The following ADGRB1 variants were observed in gnomAD, a reference collection of about 807,000 sequenced individuals.
ADGRB1 encodes the protein adhesion G protein-coupled receptor B1, also known as brain-specific angiogenesis inhibitor 1.
A neutral mutation model predicts 175.7 loss-of-function variants in ADGRB1; 36 were observed. The observed-to-expected ratio is 0.20, with a 90% CI of 0.16 to 0.27. ADGRB1 has a LOEUF of 0.27. Ranked by LOEUF, ADGRB1 falls within the 10% of genes least tolerant of loss-of-function variation. ADGRB1 has a pLI of 1.00. For missense variants in ADGRB1, 1,731 were observed against 2,255.3 expected (o/e 0.77, Z 4.71); for synonymous variants, 1,054 against 979.4 (o/e 1.08, Z -1.42).
intron 17 of ADGRB1, among the ~76,000 whole-genome samples, chr8:142,502,387 AC>A (rs1222274681): frequency 2.3e-3 from 13 of 5,702 alleles, no homozygotes; most frequent in Admixed American, 3.5e-3. Context: ...TTTGATGATG[AC>A]AGTGGTGGTG....
intron 24 of ADGRB1, among the ~76,000 whole-genome samples, chr8:142,527,774 A>AG (rs138079974): frequency 0.014 from 2,175 of 152,316 alleles, 23 homozygotes; most frequent in South Asian, 0.028. Flanking sequence ...CAGTGATCTC[A>AG]GGGGCTCACC....
At chr8:142,450,638 C>T (rs1017875181) in intron 1 of ADGRB1, among the ~76,000 whole-genome samples, 1 of 152,076 alleles carries the variant, frequency 6.6e-6, no homozygotes, top group African/African-American at 2.4e-5. Flanking sequence ...GGGCCCGAGA[C>T]GTCCTCCCCC....
In ADGRB1 at chr8:142,455,011, C is replaced by T. The variant is rs1839579366; in HGVS notation, c.-220+4907C>T. ...GGTTTCACAAACACAAACATGCACACACCCACCCCTTCTGTCCCCTGTCCT... is the reference window on the plus strand; with the variant it reads ...GGTTTCACAAACACAAACATGCACATACCCACCCCTTCTGTCCCCTGTCCT... On this transcript the variant is annotated intron_variant, in intron 1 of 30. Coordinates refer to ENST00000517894, the MANE Select transcript of ADGRB1 (RefSeq NM_001702.3). The surrounding 1 kb of genome is among the most constrained non-coding windows in gnomAD (Gnocchi z 4.9). 6.6e-6 allele frequency among the ~76,000 whole-genome samples: 1 copy of T among 151,904 alleles called. No homozygotes were observed. The highest frequency in any genetic ancestry group is 6.6e-5 in the Admixed American group (1 of 15,254).
At chr8:142,529,881 T>C (rs996462953) in intron 24 of ADGRB1, among the ~76,000 whole-genome samples, 1 of 151,108 alleles carries the variant, frequency 6.6e-6, no homozygotes, top group Non-Finnish European at 1.5e-5. Flanking sequence ...TGTGTATACA[T>C]GTGAACGTGC....
At chr8:142,453,175 T>G (rs1413439439) in intron 1 of ADGRB1, among the ~76,000 whole-genome samples, 3 of 152,020 alleles carry the variant, frequency 2.0e-5, no homozygotes, top group Non-Finnish European at 2.9e-5. Flanking sequence ...CGCGTTTGCG[T>G]GCTGGTGTCC....
intron 1 of ADGRB1, among the ~76,000 whole-genome samples, chr8:142,453,050 T>TCGCTCGCCGTCCGCTCCCGCCGCC (rs1839455498): frequency 1.7e-5 from 2 of 115,060 alleles, no homozygotes; most frequent in African/African-American, 6.9e-5. Flanking sequence ...GCCCGCTCGC[T>TCGCTCGCCGTCCGCTCCCGCCGCC]CGCTCGCTCG....
At chr8:142,524,712 G>GA (rs1844070867) in intron 23 of ADGRB1, among the ~76,000 whole-genome samples, 1 of 152,140 alleles carries the variant, frequency 6.6e-6, no homozygotes, top group Non-Finnish European at 1.5e-5. Flanking sequence ...TGAGGCTGGT[G>GA]ACCGCGGCTG....
At chr8:142,522,231 C>A in intron 21 of ADGRB1, 116 bp downstream of exon 21, 1 of 1,420,648 alleles carries the variant, frequency 7.0e-7, no homozygotes, top group South Asian at 1.4e-5. Flanking sequence ...GCCTCAGTTG[C>A]TGCTTGGGTG....
Position 142,520,799 on chromosome 8 carries a change from C to T in ADGRB1, c.2922-24C>T, listed in dbSNP as rs117931477. On this transcript the variant is annotated intron_variant, in intron 19 of 30. Coordinates refer to ENST00000517894, the MANE Select transcript of ADGRB1 (RefSeq NM_001702.3). ...AGATGGGGTTCTGTTGGGTGCTGAC[C>T]TTGGGCCCCTGCACTCTCCACAGGT... is the stretch of plus-strand genomic sequence containing the variant. 3,591 of 1,604,164 alleles carry T rather than the reference C, an allele frequency of 2.2e-3. 9 individuals are homozygous for T. The highest frequency in any genetic ancestry group is 4.5e-3 in the Middle Eastern group (27 of 6,044).
At chr8:142,468,497 C>G (rs953542293) in intron 2 of ADGRB1, among the ~76,000 whole-genome samples, 90 of 152,218 alleles carry the variant, frequency 5.9e-4, no homozygotes, top group Admixed American at 2.0e-3. Context: ...TGCCCACGCT[C>G]TGTGCCCAGA....
intron 1 of ADGRB1, among the ~76,000 whole-genome samples, chr8:142,458,780 G>A (rs1473525352): frequency 6.6e-6 from 1 of 152,234 alleles, no homozygotes. Flanking sequence ...CCTGGAGAAG[G>A]TGATGAGAAA....
In ADGRB1 at chr8:142,464,646, C is replaced by A. The variant is rs1332948623; in HGVS notation, c.448C>A (p.Pro150Thr). ...GTTCCTGCAGATGCGGCGCCAGCAG[C>A]CGCCCCAGCACGACGGGCTCCGGCC... The part of the protein sequence containing the change: ...KQFLQMRRQQ[P>T]PQHDGLRPRA... The change falls in exon 2 of 31, where the codon CCG (proline) becomes ACG (threonine). Residue 150 changes from proline (P) to threonine (T), a missense_variant. Physicochemically the swap from Pro to Thr is conservative, Grantham distance 38 (BLOSUM62 -1). Transcript: ENST00000517894. 3.3e-6 allele frequency: 5 copies of A among 1,519,998 alleles called. No individual in the cohort carries two copies. The East Asian group carries it at 1.3e-4, about 39-fold the overall frequency. 94.2% of individuals were successfully genotyped at this position (1,519,998 alleles called of 1,614,324 possible).
Position 142,533,457 on chromosome 8 carries a change from C to G in ADGRB1, c.3561C>G (p.Leu1187=), listed in dbSNP as rs747587417. ...TCATCGTCATGGTGCACTGTATCCT[C>G]CGTAGAGAGGTGGGTGAGGCAGCCT... ...GFVIVMVHCI[L]RREVQDAVKC... is the part of the protein sequence containing the mutation. The change falls in exon 25 of 31, where the codon CTC becomes CTG. Residue 1187 remains leucine, a synonymous_variant. Transcript: ENST00000517894. The G allele has an allele frequency of 6.2e-7, 1 of 1,602,182 alleles. No individual in the cohort carries two copies. The highest frequency in any genetic ancestry group is 8.5e-7 in the Non-Finnish European group (1 of 1,171,478).
rs569261698 is a variant in ADGRB1 at position 142,522,803 on chromosome 8, C to G, written c.3245+93C>G. 4.8e-4 allele frequency: 610 copies of G among 1,276,810 alleles called. 6 individuals are homozygous for G. In the South Asian group the frequency reaches 0.011, roughly 22 times the overall value. 79.1% of individuals were successfully genotyped at this position (1,276,810 alleles called of 1,614,324 possible). On this transcript the variant is annotated intron_variant, in intron 22 of 30. Transcript: ENST00000517894. The stretch of plus-strand genomic sequence containing the variant: ...GGGTGAGGGCTGGCCATGCCCTCCC[C>G]CCGTGTGACCCTGATCATCTCACAG...
chr8:142,520,004 A>T (rs1386454379), intron 19 of ADGRB1, among the ~76,000 whole-genome samples: 1 of 78,912 alleles, frequency 1.3e-5, no homozygotes, highest in Non-Finnish European at 2.8e-5. Flanking sequence ...GCTAGTGATT[A>T]TGGTGATGGT....
intron 21 of ADGRB1, 142 bp downstream of exon 21, chr8:142,522,257 G>A: frequency 8.3e-7 from 1 of 1,204,966 alleles, no homozygotes; most frequent in East Asian, 2.5e-5. Context: ...CCCCCTCTGG[G>A]CCCTCGTTCT....
At chr8:142,522,411 A>G (rs1333892276) in intron 21 of ADGRB1, among the ~76,000 whole-genome samples, 2 of 152,228 alleles carry the variant, frequency 1.3e-5, no homozygotes, top group Non-Finnish European at 2.9e-5. Flanking sequence ...TCTGCGAGTC[A>G]GATGTGCCGG....
At chr8:142,502,185 TTGA>T (rs1842607762) in intron 17 of ADGRB1, among the ~76,000 whole-genome samples, 1 of 146,948 alleles carries the variant, frequency 6.8e-6, no homozygotes, top group South Asian at 2.2e-4. Flanking sequence ...TTGCGTGGTT[TTGA>T]TGATGACAGT....
intron 17 of ADGRB1, among the ~76,000 whole-genome samples, chr8:142,498,226 C>T (rs901083566): frequency 1.3e-5 from 2 of 152,182 alleles, no homozygotes; most frequent in African/African-American, 4.8e-5. Context: ...CGTGTGTGTT[C>T]GATCCACCCT....
Sources: allele counts gnomAD v4.1 joint callset (sites outside exome capture counted in the v4.1 genomes callset), GRCh38; gene constraint gnomAD v4.1.1; non-coding constraint Gnocchi (gnomAD v3.1); transcripts MANE v1.5; gene names NCBI Gene and HGNC (gene_info 2026-07-23, HGNC 2026-07-21).